CFTR: variants seen among roughly 807,000 people sequenced by gnomAD.
CFTR encodes CF transmembrane conductance regulator.
CFTR carries 181 observed loss-of-function variants against 171.6 expected under a neutral mutation model. The observed-to-expected ratio is 1.05, with a 90% CI of 0.93 to 1.19. The LOEUF is 1.19. Ranked by LOEUF, CFTR falls within the 50% of genes most tolerant of loss-of-function variation. The probability of loss-of-function intolerance (pLI) is 0.00; values close to 1 mark genes in which losing one functional copy is unlikely to be tolerated. For synonymous variants in CFTR, 583 were observed against 608.0 expected (o/e 0.96, Z 0.60); for missense variants, 1,968 against 1,734.7 (o/e 1.13, Z -2.39).
chr7:117,492,144 CTT>C (rs1326767743), intron 1 of CFTR, among the ~76,000 whole-genome samples: 1 of 151,870 alleles, frequency 6.6e-6, no homozygotes, highest in Non-Finnish European at 1.5e-5. Context: ...GAAGGCCAAA[CTT>C]AGGAAGAATA....
In CFTR at chr7:117,537,998, T is replaced by C. The variant is rs1285249063; in HGVS notation, c.869+1325T>C. Among the ~76,000 whole-genome samples, 5 of 152,130 alleles carry C rather than the reference T, an allele frequency of 3.3e-5. No homozygotes were observed. The South Asian group carries it at 1.0e-3, about 32-fold the overall frequency. On this transcript the variant is annotated intron_variant, in intron 7 of 26. Coordinates refer to ENST00000003084, the MANE Select transcript of CFTR (RefSeq NM_000492.4). ...ATGGCTGGGTCATTCTTGGTGCTGA[T>C]TTTACTTTGTTTTTTGTTGTTATTG...
chr7:117,602,015 CTG>C (rs1398757853), intron 15 of CFTR, among the ~76,000 whole-genome samples: 1 of 152,150 alleles, frequency 6.6e-6, no homozygotes, highest in Non-Finnish European at 1.5e-5. Context: ...TATTCATAAA[CTG>C]TGACTTTTTA....
chr7:117,647,600 C>T (rs928582832), intron 23 of CFTR, among the ~76,000 whole-genome samples: 4 of 151,774 alleles, frequency 2.6e-5, no homozygotes, highest in African/African-American at 7.3e-5. Flanking sequence ...CACCAGGCCC[C>T]GCCTCCAACA....
intron 7 of CFTR, among the ~76,000 whole-genome samples, chr7:117,537,707 C>T (rs2116680076): frequency 6.6e-6 from 1 of 152,294 alleles, no homozygotes; most frequent in Middle Eastern, 3.4e-3. Context: ...ATTTCCCAAA[C>T]ATTATTGCTC....
At chr7:117,533,905 A>G (rs1349791487) in intron 4 of CFTR, among the ~76,000 whole-genome samples, 2 of 152,176 alleles carry the variant, frequency 1.3e-5, no homozygotes, top group African/African-American at 4.8e-5. Flanking sequence ...TACATGAAAA[A>G]TTCAAGGCCA....
intron 22 of CFTR, among the ~76,000 whole-genome samples, chr7:117,636,303 A>G (rs574421221): frequency 1.3e-5 from 2 of 152,104 alleles, no homozygotes; most frequent in South Asian, 2.1e-4. Flanking sequence ...CTTTATGAAC[A>G]TGATATGCCT....
intron 3 of CFTR, among the ~76,000 whole-genome samples, chr7:117,520,051 A>C (rs185047879): frequency 6.6e-6 from 1 of 151,954 alleles, no homozygotes; most frequent in African/African-American, 2.4e-5. Context: ...AGTGAAAAAG[A>C]GCATATTATT....
At chr7:117,517,774 T>C (rs34641663) in intron 3 of CFTR, among the ~76,000 whole-genome samples, 15,823 of 152,196 alleles carry the variant, frequency 0.1, 2,773 homozygotes, top group African/African-American at 0.36. Context: ...TGGTATCTCA[T>C]TGTGGTTTTG....
intron 22 of CFTR, among the ~76,000 whole-genome samples, chr7:117,629,658 C>T (rs1457897410): frequency 6.6e-6 from 1 of 152,114 alleles, no homozygotes; most frequent in Non-Finnish European, 1.5e-5. Context: ...GGCCGGATAA[C>T]AACTGAGTTT....
At chr7:117,523,703 A>G (rs1481657965) in intron 3 of CFTR, among the ~76,000 whole-genome samples, 1 of 152,210 alleles carries the variant, frequency 6.6e-6, no homozygotes, top group African/African-American at 2.4e-5. Flanking sequence ...TTAAAAAGGC[A>G]TTCCACTCAA....
intron 1 of CFTR, among the ~76,000 whole-genome samples, chr7:117,490,166 T>C (rs1798134691): frequency 2.6e-5 from 4 of 151,964 alleles, no homozygotes; most frequent in Admixed American, 2.6e-4. Flanking sequence ...GGCAATTTAC[T>C]TAATCTCTCT....
chr7:117,631,213 G>A (rs1189606616), intron 22 of CFTR, among the ~76,000 whole-genome samples: 3 of 152,082 alleles, frequency 2.0e-5, no homozygotes, highest in Non-Finnish European at 4.4e-5. Context: ...GCTATTAGGT[G>A]CTATTTGGTT....
chr7:117,606,201 G>T (rs1360579532), intron 17 of CFTR, among the ~76,000 whole-genome samples: 1 of 152,150 alleles, frequency 6.6e-6, no homozygotes, highest in African/African-American at 2.4e-5. Flanking sequence ...AGTGGGGCAG[G>T]CAGGGAGAGA....
At chr7:117,572,338 T>C (rs1200260849) in intron 11 of CFTR, among the ~76,000 whole-genome samples, 1 of 152,128 alleles carries the variant, frequency 6.6e-6, no homozygotes, top group Non-Finnish European at 1.5e-5. Flanking sequence ...GATTCTTAGT[T>C]CTCATGCTTT....
In CFTR at chr7:117,541,242, TAGAG is replaced by T. The variant is rs573044649; in HGVS notation, c.1117-758_1117-755del. On this transcript the variant is annotated intron_variant, in intron 8 of 26. Coordinates refer to ENST00000003084, the MANE Select transcript of CFTR (RefSeq NM_000492.4). ...TTCTGTTAGCCCATTGAGAGAGAAA[TAGAG>T]AGAGAGAGAGAGAGAAAGAAAGAAG... Among the ~76,000 whole-genome samples the T allele has an allele frequency of 1.6e-4, 24 of 147,534 alleles. 2 individuals carry two copies. In the South Asian group the frequency reaches 2.8e-3, roughly 17 times the overall value.
chr7:117,588,822 T>A (rs1791986255), intron 12 of CFTR, among the ~76,000 whole-genome samples: 1 of 152,158 alleles, frequency 6.6e-6, no homozygotes, highest in African/African-American at 2.4e-5. Flanking sequence ...GAGTCACAGT[T>A]TGAACCAGGT....
chr7:117,492,417 A>G (rs142227279), intron 1 of CFTR, among the ~76,000 whole-genome samples: 1 of 152,030 alleles, frequency 6.6e-6, no homozygotes, highest in Non-Finnish European at 1.5e-5. Flanking sequence ...ATTTGCAATC[A>G]GTGTCATCAT....
intron 21 of CFTR, among the ~76,000 whole-genome samples, chr7:117,619,501 C>A (rs1021071567): frequency 6.6e-6 from 1 of 152,064 alleles, no homozygotes; most frequent in African/African-American, 2.4e-5. Flanking sequence ...TACTTTTTGT[C>A]TTTTACTGCT....
chr7:117,602,826 G>A lies in CFTR; in HGVS notation c.2620G>A (p.Val874Met). The change falls in exon 16 of 27, where the codon GTG (valine) becomes ATG (methionine). Residue 874 changes from valine (V) to methionine (M), a missense_variant and splice_region_variant. Transcript: ENST00000003084. ...IWCLVIFLAE[V>M]AASLVVLWLL... ...TCAACTGTGTCTTGTTCCATTCCAG[G>A]TGGCTGCTTCTTTGGTTGTGCTGTG... The A allele has an allele frequency of 3.7e-6, 6 of 1,613,860 alleles. No individual in the cohort carries two copies. Among genetic ancestry groups the A allele is most frequent in the Non-Finnish European group, 5.1e-6 (6 of 1,179,758 alleles).
Sources: allele counts gnomAD v4.1 joint callset (sites outside exome capture counted in the v4.1 genomes callset), GRCh38; gene constraint gnomAD v4.1.1; transcripts MANE v1.5; gene names NCBI Gene and HGNC (gene_info 2026-07-23, HGNC 2026-07-21).